MAP3K15: variants seen among roughly 807,000 people sequenced by gnomAD.
The protein encoded by MAP3K15 is mitogen-activated protein kinase kinase kinase 15, also known as MAPK/ERK kinase kinase 15.
A neutral mutation model predicts 99.5 loss-of-function variants in MAP3K15; 124 were observed. That is an observed-to-expected ratio of 1.25 (90% CI 1.08 to 1.45). MAP3K15 has a LOEUF of 1.45. Ranked by LOEUF, MAP3K15 falls within the 40% of genes most tolerant of loss-of-function variation. The probability of loss-of-function intolerance (pLI) is 0.00; values close to 1 mark genes in which losing one functional copy is unlikely to be tolerated. For missense variants in MAP3K15, 1,242 were observed against 1,079.7 expected (o/e 1.15, Z -2.11); for synonymous variants, 494 against 439.6 (o/e 1.12, Z -1.55).
intron 1 of MAP3K15, among the ~76,000 whole-genome samples, chrX:19,510,380 G>C (rs2064509473): frequency 8.9e-6 from 1 of 111,942 alleles, no homozygotes; most frequent in Non-Finnish European, 1.9e-5. Flanking sequence ...TGAATGCAAG[G>C]CTGGTTCAAC....
rs778982712 is a variant in MAP3K15, at chrX:19,425,695, A to C, written c.1280-5T>G. On this transcript the variant is annotated splice_region_variant and splice_polypyrimidine_tract_variant and intron_variant, in intron 8 of 28. Coordinates refer to ENST00000338883, the MANE Select transcript of MAP3K15 (RefSeq NM_001001671.4). ...ACAAACTGTTCAGCCGGACACCTTAAGAATTTGAATTTTTGATAGTCAGAA... is the reference window on the plus strand; with the variant it reads ...ACAAACTGTTCAGCCGGACACCTTACGAATTTGAATTTTTGATAGTCAGAA... 2.5e-6 allele frequency: 3 copies of C among 1,184,129 alleles called. No homozygotes were observed. Among genetic ancestry groups the C allele is most frequent in the Non-Finnish European group, 2.3e-6 (2 of 886,871 alleles).
intron 9 of MAP3K15, among the ~76,000 whole-genome samples, chrX:19,424,327 T>C (rs1423779901): frequency 1.8e-5 from 2 of 108,272 alleles, no homozygotes; most frequent in South Asian, 4.0e-4. Flanking sequence ...TACATATATA[T>C]ATATATTTTT....
Position 19,467,994 on chromosome X carries a change from A to T in MAP3K15, c.526-3588T>A, listed in dbSNP as rs752110048. On this transcript the variant is annotated intron_variant, in intron 3 of 28. Transcript: ENST00000338883. ...AGCCAGCACCCCACTCACAGAGCAG[A>T]GTGTCACCCCAAGAGAAACAGACTG... 8.1e-5 allele frequency among the ~76,000 whole-genome samples: 9 copies of T among 111,797 alleles called. 1 individual carries two copies. In the East Asian group the frequency reaches 1.1e-3, roughly 14 times the overall value.
At chrX:19,490,613 G>C (rs1389003155) in intron 1 of MAP3K15, among the ~76,000 whole-genome samples, 1 of 110,086 alleles carries the variant, frequency 9.1e-6, no homozygotes, top group Non-Finnish European at 1.9e-5. Context: ...GCCGGGTGTG[G>C]TGGTGCGTGC....
At chrX:19,415,322 T>C in intron 9 of MAP3K15, 65 bp from the exon 10 acceptor site, 1 of 997,887 alleles carries the variant, frequency 1.0e-6, no homozygotes, top group Non-Finnish European at 1.3e-6. Flanking sequence ...TCAAGTCCCT[T>C]TAAAAGAAGC....
intron 6 of MAP3K15, among the ~76,000 whole-genome samples, chrX:19,437,616 T>C (rs1197865496): frequency 3.6e-5 from 4 of 112,057 alleles, no homozygotes; most frequent in Non-Finnish European, 1.9e-5. Flanking sequence ...AATTACAATC[T>C]TCCCATCCTA....
chrX:19,400,281 T>C lies in MAP3K15; in HGVS notation c.1932+295A>G, dbSNP rs182774226. ...AGTTGGCCAACTAATTCTCTTGTAG[T>C]CTCACAGACATTACTAATTAGCCTA... On this transcript the variant is annotated intron_variant, in intron 14 of 28. Coordinates refer to ENST00000338883, the MANE Select transcript of MAP3K15 (RefSeq NM_001001671.4). 1.2e-3 allele frequency among the ~76,000 whole-genome samples: 133 copies of C among 112,435 alleles called. 1 individual carries two copies. The highest frequency in any genetic ancestry group is 3.8e-3 in the African/African-American group (117 of 30,982).
intron 22 of MAP3K15, among the ~76,000 whole-genome samples, chrX:19,371,861 G>A (rs1043202041): frequency 1.8e-5 from 2 of 111,587 alleles, no homozygotes; most frequent in African/African-American, 6.5e-5. Flanking sequence ...GGCCGGGCAC[G>A]GTGGCTCACA....
chrX:19,455,292 C>T (rs1039251229), intron 6 of MAP3K15, among the ~76,000 whole-genome samples: 2 of 110,027 alleles, frequency 1.8e-5, no homozygotes, highest in African/African-American at 6.6e-5. Context: ...ATCACCTCAT[C>T]CTGCTATACC....
chrX:19,367,850 G>A (rs1472951664), intron 25 of MAP3K15, among the ~76,000 whole-genome samples: 1 of 90,858 alleles, frequency 1.1e-5, no homozygotes, highest in South Asian at 6.3e-4. Flanking sequence ...CCGGGTTCAA[G>A]CAATTCTTCT....
At chrX:19,427,303 C>A (rs2063840548) in intron 7 of MAP3K15, among the ~76,000 whole-genome samples, 1 of 111,661 alleles carries the variant, frequency 9.0e-6, no homozygotes, top group African/African-American at 3.3e-5. Flanking sequence ...GCCACCCTGC[C>A]CACCTAAACC....
At chrX:19,506,322 G>C (rs1190921528) in intron 1 of MAP3K15, among the ~76,000 whole-genome samples, 2 of 111,183 alleles carry the variant, frequency 1.8e-5, no homozygotes, top group Non-Finnish European at 3.8e-5. Flanking sequence ...CACCCACCTT[G>C]GCCTCCCAAA....
chrX:19,360,862 G>A (rs373390286), intron 28 of MAP3K15, 29 bp from the exon 29 acceptor site: 1 of 1,104,250 alleles, frequency 9.1e-7, no homozygotes, highest in East Asian at 3.0e-5. Context: ...TGTCTTCAGA[G>A]TCAGTGCTTC....
intron 28 of MAP3K15, chrX:19,361,046 G>T: frequency 4.8e-6 from 2 of 419,572 alleles, no homozygotes; most frequent in Non-Finnish European, 8.2e-6. Context: ...AAGAAGGCAG[G>T]CTGCAGTTTA....
intron 6 of MAP3K15, among the ~76,000 whole-genome samples, chrX:19,439,476 G>T (rs757533538): frequency 9.0e-5 from 10 of 110,843 alleles, no homozygotes; most frequent in South Asian, 3.8e-4. Context: ...TTATTGTATG[G>T]TGGTTTTTTG....
intron 18 of MAP3K15, among the ~76,000 whole-genome samples, chrX:19,382,231 G>A (rs1157598739): frequency 1.2e-5 from 1 of 83,374 alleles, no homozygotes; most frequent in Non-Finnish European, 2.2e-5. Flanking sequence ...GCGACAGAGC[G>A]AGACTCAGTC....
At chrX:19,507,130 C>T (rs1423485029) in intron 1 of MAP3K15, among the ~76,000 whole-genome samples, 13 of 111,714 alleles carry the variant, frequency 1.2e-4, no homozygotes, top group Admixed American at 1.1e-3. Flanking sequence ...CTCTCACTTA[C>T]ACAACTAACC....
Position 19,515,100 on chromosome X carries a change from C to T in MAP3K15, c.162G>A (p.Gly54=). The T allele has an allele frequency of 2.4e-6, 2 of 838,553 alleles. No homozygotes were observed. Among genetic ancestry groups the T allele is most frequent in the Non-Finnish European group, 3.0e-6 (2 of 659,463 alleles). The allele number at this position is 838,553 out of a possible 1,213,427, so 69.1% of individuals were successfully genotyped here. Reference sequence around the variant, plus strand: ...CCCGCAGAGCCCGCCGCGGCCCGCCCCCACTCTCGCCCTCGCCGCTGCCGC... The same window carrying T: ...CCCGCAGAGCCCGCCGCGGCCCGCCTCCACTCTCGCCCTCGCCGCTGCCGC... ...AAGGSGEGES[G]GGPRRALRAV... Residue 54 remains glycine (G), a synonymous_variant, in exon 1 of 29, where the codon GGG becomes GGA. Coordinates refer to ENST00000338883, the MANE Select transcript of MAP3K15 (RefSeq NM_001001671.4).
intron 4 of MAP3K15, among the ~76,000 whole-genome samples, chrX:19,460,648 A>C (rs905420167): frequency 2.7e-5 from 3 of 112,040 alleles, no homozygotes; most frequent in Non-Finnish European, 5.6e-5. Flanking sequence ...ACTGGTGTTG[A>C]GTCCCTGAGC....
Sources: allele counts gnomAD v4.1 joint callset (sites outside exome capture counted in the v4.1 genomes callset), GRCh38; gene constraint gnomAD v4.1.1; transcripts MANE v1.5; gene names NCBI Gene and HGNC (gene_info 2026-07-23, HGNC 2026-07-21).